The following MEDAG variants were observed in gnomAD, a reference collection of about 807,000 sequenced individuals.
MEDAG encodes the protein mesenteric estrogen-dependent adipogenesis protein.
MEDAG carries 25 observed loss-of-function variants against 29.9 expected under a neutral mutation model. That is an observed-to-expected ratio of 0.84 (90% CI 0.61 to 1.17). The LOEUF is 1.17. Ranked by LOEUF, MEDAG falls within the 50% of genes most tolerant of loss-of-function variation. MEDAG has a pLI of 0.00. For synonymous variants in MEDAG, 158 were observed against 148.2 expected (o/e 1.07, Z -0.48); for missense variants, 398 against 372.9 (o/e 1.07, Z -0.56).
intron 1 of MEDAG, among the ~76,000 whole-genome samples, chr13:30,909,502 C>A (rs1438528180): frequency 6.6e-6 from 1 of 152,056 alleles, no homozygotes; most frequent in South Asian, 2.1e-4. Flanking sequence ...GGCCAGGGAT[C>A]CCAAAAGGCA....
At chr13:30,906,925 C>A in intron 1 of MEDAG, 132 bp downstream of exon 1, 1 of 900,778 alleles carries the variant, frequency 1.1e-6, no homozygotes, top group Non-Finnish European at 1.6e-6. Context: ...CCGTGCGCTT[C>A]TAGACTTTCC....
intron 1 of MEDAG, among the ~76,000 whole-genome samples, chr13:30,913,320 A>G (rs1316585471): frequency 6.6e-6 from 1 of 152,124 alleles, no homozygotes; most frequent in East Asian, 1.9e-4. Context: ...GACTCCAGCA[A>G]TCCTCCCACC....
intron 1 of MEDAG, 80 bp downstream of exon 1, chr13:30,906,873 T>C: frequency 1.5e-6 from 2 of 1,349,714 alleles, no homozygotes; most frequent in Non-Finnish European, 1.9e-6. Flanking sequence ...TCTGGGAGCC[T>C]GGGCTGTCCT....
At chr13:30,922,890 A>G (rs1405007327) in intron 4 of MEDAG, 1 of 152,008 alleles carries the variant, frequency 6.6e-6, no homozygotes, top group Non-Finnish European at 1.5e-5. Flanking sequence ...CATTAATTGT[A>G]TTTACAGCCT....
intron 1 of MEDAG, among the ~76,000 whole-genome samples, chr13:30,911,454 C>G (rs1008388603): frequency 1.5e-4 from 23 of 152,272 alleles, no homozygotes; most frequent in African/African-American, 4.8e-4. Flanking sequence ...ACCTGCCTGC[C>G]TGCCTGCGTG....
rs975274042 is a variant in MEDAG, at chr13:30,917,565, C to T, written c.388+53C>T. Reference sequence around the variant, plus strand: ...CACTGCTATAAAGAAATACCTAAAACTGGGTAATTTATAAAGAAAAGAGGT... The same window carrying T: ...CACTGCTATAAAGAAATACCTAAAATTGGGTAATTTATAAAGAAAAGAGGT... On this transcript the variant is annotated intron_variant, in intron 2 of 4. Coordinates refer to ENST00000380482, the MANE Select transcript of MEDAG (RefSeq NM_032849.4). 2.8e-5 allele frequency: 28 copies of T among 985,132 alleles called. No individual in the cohort carries two copies. The South Asian group carries it at 3.8e-4, about 13-fold the overall frequency. 61.0% of individuals were successfully genotyped at this position (985,132 alleles called of 1,614,324 possible). A position where few individuals can be genotyped will look rare whatever the true frequency, so the allele number is the denominator to read the frequency against.
Position 30,906,421 on chromosome 13 carries a change from C to T in MEDAG, c.-95C>T. 1.5e-6 allele frequency: 2 copies of T among 1,293,460 alleles called. No homozygotes were observed. Among genetic ancestry groups the T allele is most frequent in the Non-Finnish European group, 1.0e-6 (1 of 1,003,394 alleles). The allele number at this position is 1,293,460 out of a possible 1,614,324, so 80.1% of individuals were successfully genotyped here. ...TCACCTCGCGCGCGGCTGACGCAGGCAGGGCGCCCGGCCCCTCCTGGGGAC... is the reference window on the plus strand; with the variant it reads ...TCACCTCGCGCGCGGCTGACGCAGGTAGGGCGCCCGGCCCCTCCTGGGGAC... On this transcript the variant is annotated 5_prime_UTR_variant, in exon 1 of 5. Transcript: ENST00000380482.
At chr13:30,908,541 G>C (rs980865042) in intron 1 of MEDAG, among the ~76,000 whole-genome samples, 26 of 152,174 alleles carry the variant, frequency 1.7e-4, no homozygotes, top group Admixed American at 1.2e-3. Context: ...CTGGACTGTG[G>C]GCAGCAGTGA....
At chr13:30,907,720 G>GAAATGAAT (rs1431575388) in intron 1 of MEDAG, among the ~76,000 whole-genome samples, 2 of 152,258 alleles carry the variant, frequency 1.3e-5, no homozygotes, top group African/African-American at 4.8e-5. Context: ...GTTTGACTCA[G>GAAATGAAT]AAATGAATAA....
Position 30,909,423 on chromosome 13 carries a change from C to T in MEDAG, c.278+2630C>T, listed in dbSNP as rs143315515. ...TGGATGGACTCCAGTGACTTTTCGT[C>T]TTCTTTGCGGCCACCATATTCTGGC... On this transcript the variant is annotated intron_variant, in intron 1 of 4. Coordinates refer to ENST00000380482, the MANE Select transcript of MEDAG (RefSeq NM_032849.4). Among the ~76,000 whole-genome samples the T allele has an allele frequency of 4.0e-3, 602 of 152,232 alleles. 2 individuals carry two copies. Among genetic ancestry groups the T allele is most frequent in the African/African-American group, 0.014 (582 of 41,534 alleles).
At chr13:30,918,716 C>T (rs963457926) in intron 2 of MEDAG, among the ~76,000 whole-genome samples, 8 of 152,136 alleles carry the variant, frequency 5.3e-5, no homozygotes, top group Non-Finnish European at 1.0e-4. Flanking sequence ...AAATGATCTA[C>T]GAATTTCAAA....
chr13:30,911,465 C>A (rs1343752124), intron 1 of MEDAG, among the ~76,000 whole-genome samples: 1 of 152,142 alleles, frequency 6.6e-6, no homozygotes, highest in African/African-American at 2.4e-5. Context: ...TGCCTGCGTG[C>A]AGCCACCCCA....
chr13:30,906,919 GC>G, intron 1 of MEDAG, 126 bp downstream of exon 1: 1 of 1,000,020 alleles, frequency 1.0e-6, no homozygotes, highest in East Asian at 3.1e-5. Flanking sequence ...CTTGCTCCGT[GC>G]GCTTCTAGAC....
At chr13:30,913,255 A>T (rs1952897860) in intron 1 of MEDAG, among the ~76,000 whole-genome samples, 1 of 152,098 alleles carries the variant, frequency 6.6e-6, no homozygotes, top group Non-Finnish European at 1.5e-5. Flanking sequence ...TTGCTCTGTC[A>T]CCCAGGCTGG....
intron 3 of MEDAG, 124 bp downstream of exon 3, chr13:30,921,250 T>A: frequency 1.3e-6 from 1 of 778,318 alleles, no homozygotes; most frequent in Non-Finnish European, 2.1e-6. Flanking sequence ...GAAAACAAAG[T>A]GCATTCAGAC....
chr13:30,915,659 CCCCTCAGTCTCCTGAGGTT>C (rs139188467), intron 1 of MEDAG, among the ~76,000 whole-genome samples: 8,030 of 152,150 alleles, frequency 0.053, 581 homozygotes, highest in East Asian at 0.2. Context: ...CAGCACCACT[CCCCTCAGTCTCCTGAGGTT>C]CCCCCATCTC....
intron 1 of MEDAG, among the ~76,000 whole-genome samples, chr13:30,914,194 G>A (rs1427398210): frequency 1.3e-5 from 2 of 152,176 alleles, no homozygotes; most frequent in African/African-American, 2.4e-5. Context: ...CGATCTTATC[G>A]TGTTTTAGTG....
rs1000132803 is a variant in MEDAG, at chr13:30,906,453, G to A, written c.-63G>A. 6.5e-6 allele frequency: 9 copies of A among 1,394,660 alleles called. No homozygotes were observed. In the African/African-American group the frequency reaches 1.3e-4, roughly 21 times the overall value. 86.4% of individuals were successfully genotyped at this position (1,394,660 alleles called of 1,614,324 possible). On this transcript the variant is annotated 5_prime_UTR_variant, in exon 1 of 5. In the 5' UTR this introduces an upstream ATG that the reference lacks. Transcript: ENST00000380482. ...CCCGGCCCCTCCTGGGGACCATCAG[G>A]TGCCGGCTGGGGGCTGTAGGCACCG...
At position 30,906,713 on chromosome 13, in the gene MEDAG, G is replaced by A; in HGVS notation, c.198G>A (p.Ala66=). The A allele has an allele frequency of 6.6e-7, 1 of 1,516,444 alleles. No individual in the cohort carries two copies. Among genetic ancestry groups the A allele is most frequent in the Non-Finnish European group, 8.8e-7 (1 of 1,141,180 alleles). The allele number at this position is 1,516,444 out of a possible 1,614,324, so 93.9% of individuals were successfully genotyped here. A position where few individuals can be genotyped will look rare whatever the true frequency, so the allele number is the denominator to read the frequency against. The stretch of plus-strand genomic sequence containing the variant: ...CCAGGCCCGGGGAGCCGGCGGCGGC[G>A]CGGGGGGGCTTCAACGTCTTCGGTG... ...VVARPGEPAA[A]RGGFNVFGDG... The change falls in exon 1 of 5, where the codon GCG becomes GCA. Residue 66 remains alanine, a synonymous_variant. Coordinates refer to ENST00000380482, the MANE Select transcript of MEDAG (RefSeq NM_032849.4).
Sources: gnomAD v4.1 joint callset for allele counts (sites outside exome capture counted in the v4.1 genomes callset) on GRCh38, gnomAD v4.1.1 for gene constraint, MANE v1.5 for transcripts, NCBI Gene and HGNC (gene_info 2026-07-23, HGNC 2026-07-21) for gene names.